The following KCNQ1 variants were observed in gnomAD, a reference collection of about 807,000 sequenced individuals.
KCNQ1 encodes potassium voltage-gated channel subfamily Q member 1.
KCNQ1 carries 49 observed loss-of-function variants against 72.4 expected under a neutral mutation model. That is an observed-to-expected ratio of 0.68 (90% CI 0.54 to 0.86). KCNQ1 has a LOEUF of 0.86. KCNQ1 is among the 40% of genes least tolerant of loss of function. The pLI, the probability that KCNQ1 is intolerant of heterozygous loss-of-function variation, is 0.00. For missense variants in KCNQ1, 790 were observed against 945.1 expected, an observed-to-expected ratio of 0.84 and a Z score of 2.15; for synonymous variants, 450 against 412.6, an observed-to-expected ratio of 1.09 and a Z score of -1.10.
At position 2,608,606 on chromosome 11, in the gene KCNQ1, T is replaced by C; in HGVS notation, c.1393+19752T>C. The C allele has an allele frequency of 2.5e-6, 1 of 398,506 alleles. No individual in the cohort carries two copies. Among genetic ancestry groups the C allele is most frequent in the Non-Finnish European group, 4.4e-6 (1 of 226,058 alleles). 24.7% of individuals were successfully genotyped at this position (398,506 alleles called of 1,614,324 possible). ...TCCTTGCCCCTTAGCCTATGACAGG[T>C]GTGCACCACAACACCAGCTGTTATT... On this transcript the variant is annotated intron_variant, in intron 10 of 15. Transcript: ENST00000155840. This position sits in a 1 kb window ranked among gnomAD's most constrained non-coding sequence, Gnocchi z 4.6.
Position 2,727,564 on chromosome 11 carries a change from A to G in KCNQ1, c.1515-41280A>G, listed in dbSNP as rs2283211. 9.0e-3 allele frequency among the ~76,000 whole-genome samples: 1,378 copies of G among 152,282 alleles called. 54 individuals are homozygous for G. In the East Asian group the frequency reaches 0.13, roughly 15 times the overall value. Reference sequence around the variant, plus strand: ...CATGAGGCTCACAACTGGCCCCAGCAGCTCCACGGCAGGGAGCAGGAGCAG... The same window carrying G: ...CATGAGGCTCACAACTGGCCCCAGCGGCTCCACGGCAGGGAGCAGGAGCAG... On this transcript the variant is annotated intron_variant, in intron 11 of 15. Coordinates refer to ENST00000155840, the MANE Select transcript of KCNQ1 (RefSeq NM_000218.3).
intron 13 of KCNQ1, among the ~76,000 whole-genome samples, chr11:2,776,353 A>C (rs998700345): frequency 2.0e-5 from 3 of 152,124 alleles, no homozygotes; most frequent in South Asian, 2.1e-4. Flanking sequence ...GTCCCTGCTC[A>C]GGTAGCAACA....
In KCNQ1 at chr11:2,592,753, T is replaced by C. The variant is rs1200985814; in HGVS notation, c.1393+3899T>C. On this transcript the variant is annotated intron_variant, in intron 10 of 15. Coordinates refer to ENST00000155840, the MANE Select transcript of KCNQ1 (RefSeq NM_000218.3). The surrounding 1 kb of genome is among the most constrained non-coding windows in gnomAD (Gnocchi z 5.2). The stretch of plus-strand genomic sequence containing the variant: ...CACTCACAGCCCGGCTGCTGCTGCC[T>C]TGGGCGTCCTGAAGATCCTCTGTAT... 2.6e-5 allele frequency among the ~76,000 whole-genome samples: 4 copies of C among 152,176 alleles called. No individual in the cohort carries two copies. Among genetic ancestry groups the C allele is most frequent in the Non-Finnish European group, 1.5e-5 (1 of 68,006 alleles).
intron 15 of KCNQ1, among the ~76,000 whole-genome samples, chr11:2,825,196 G>A (rs572982801): frequency 2.0e-5 from 3 of 152,334 alleles, no homozygotes; most frequent in Non-Finnish European, 2.9e-5. Context: ...GCTGGGGCCC[G>A]GCTTCCCCGA....
Position 2,613,706 on chromosome 11 carries a change from A to G in KCNQ1, c.1393+24852A>G, listed in dbSNP as rs1438240990. On this transcript the variant is annotated intron_variant, in intron 10 of 15. Transcript: ENST00000155840. The surrounding 1 kb of genome is among the most constrained non-coding windows in gnomAD (Gnocchi z 4.8). ...CTATCTTGTTAATTTTATTTTTTGAATACATATAACATTAACATACTTCCA... is the reference window on the plus strand; with the variant it reads ...CTATCTTGTTAATTTTATTTTTTGAGTACATATAACATTAACATACTTCCA... The G allele has an allele frequency of 4.3e-5, 17 of 398,394 alleles. No individual in the cohort carries two copies. The highest frequency in any genetic ancestry group is 3.5e-4 in the Admixed American group (8 of 22,706). 24.7% of individuals were successfully genotyped at this position (398,394 alleles called of 1,614,324 possible).
At position 2,445,405 on chromosome 11, in the gene KCNQ1, C is replaced by T; in HGVS notation, c.307C>T (p.Arg103Cys). The stretch of plus-strand genomic sequence containing the variant: ...CAGCACGCGCCGCCCGGTGTTGGCG[C>T]GCACCCACGTCCAGGGCCGCGTCTA... ...IYSTRRPVLA[R>C]THVQGRVYNF... is the part of the protein sequence containing the mutation. Residue 103 changes from arginine to cysteine, a missense_variant, in exon 1 of 16, where the codon CGC becomes TGC. Physicochemically the swap from Arg to Cys is radical, Grantham distance 180. Coordinates refer to ENST00000155840, the MANE Select transcript of KCNQ1 (RefSeq NM_000218.3). 6.3e-7 allele frequency: 1 copy of T among 1,597,956 alleles called. No homozygotes were observed. The highest frequency in any genetic ancestry group is 8.5e-7 in the Non-Finnish European group (1 of 1,179,718).
intron 11 of KCNQ1, among the ~76,000 whole-genome samples, chr11:2,702,553 G>A (rs908976880): frequency 1.3e-5 from 2 of 152,198 alleles, no homozygotes; most frequent in African/African-American, 2.4e-5. Context: ...AAAACTGTGG[G>A]TTCTAATTGT....
chr11:2,536,737 C>A lies in KCNQ1; in HGVS notation c.477+8719C>A, dbSNP rs1180003477. 6.6e-6 allele frequency among the ~76,000 whole-genome samples: 1 copy of A among 152,074 alleles called. No individual in the cohort carries two copies. The highest frequency in any genetic ancestry group is 2.4e-5 in the African/African-American group (1 of 41,380). ...GGCCTATCTCCAGCCACGTGGGTCG[C>A]GAGAGTCGACCTGGGCTGCGTGATG... On this transcript the variant is annotated intron_variant, in intron 2 of 15. Transcript: ENST00000155840. The surrounding 1 kb of genome is among the most constrained non-coding windows in gnomAD (Gnocchi z 7.4).
rs1259103678 is a variant in KCNQ1, at chr11:2,723,689, G to A, written c.1515-45155G>A. On this transcript the variant is annotated intron_variant, in intron 11 of 15. Coordinates refer to ENST00000155840, the MANE Select transcript of KCNQ1 (RefSeq NM_000218.3). The surrounding 1 kb of genome is among the most constrained non-coding windows in gnomAD (Gnocchi z 4.2). ...CAGGTGGACTGGTCCGAGCTGAGTGGTCTAGGATGGCCTTGCTCCCGGAGA... is the reference window on the plus strand; with the variant it reads ...CAGGTGGACTGGTCCGAGCTGAGTGATCTAGGATGGCCTTGCTCCCGGAGA... 1.3e-5 allele frequency among the ~76,000 whole-genome samples: 2 copies of A among 152,210 alleles called. No homozygotes were observed.
At chr11:2,733,442 C>T (rs915178020) in intron 11 of KCNQ1, among the ~76,000 whole-genome samples, 8 of 152,152 alleles carry the variant, frequency 5.3e-5, no homozygotes, top group Admixed American at 2.6e-4. Context: ...CTCCCCACGG[C>T]TTGGCTTCCC....
rs1846500969 is a variant in KCNQ1 at position 2,766,538 on chromosome 11, G to A, written c.1515-2306G>A. Among the ~76,000 whole-genome samples the A allele has an allele frequency of 6.6e-6, 1 of 152,208 alleles. No individual in the cohort carries two copies. Among genetic ancestry groups the A allele is most frequent in the African/African-American group, 2.4e-5 (1 of 41,460 alleles). ...AAGACATGATCATTTCCACCATGGT[G>A]GAGATAGACTCTAGCCTGCAATGGG... On this transcript the variant is annotated intron_variant, in intron 11 of 15. Transcript: ENST00000155840. This position sits in a 1 kb window ranked among gnomAD's most constrained non-coding sequence, Gnocchi z 4.4.
At chr11:2,532,402 C>T (rs1847655203) in intron 2 of KCNQ1, among the ~76,000 whole-genome samples, 1 of 152,220 alleles carries the variant, frequency 6.6e-6, no homozygotes. Context: ...CTCGCCTTGC[C>T]ACACTTCCCA....
chr11:2,700,758 G>T (rs556830280), intron 11 of KCNQ1, among the ~76,000 whole-genome samples: 1 of 152,074 alleles, frequency 6.6e-6, no homozygotes, highest in Admixed American at 6.5e-5. Context: ...CGCCCGGCCG[G>T]GCCCGCCCTG....
At chr11:2,738,726 C>G (rs1845999064) in intron 11 of KCNQ1, among the ~76,000 whole-genome samples, 1 of 152,216 alleles carries the variant, frequency 6.6e-6, no homozygotes, top group Non-Finnish European at 1.5e-5. Flanking sequence ...CTGGGCCAGG[C>G]TGTCCTCCCA....
chr11:2,522,098 G>T (rs1054500049), intron 1 of KCNQ1, among the ~76,000 whole-genome samples: 11 of 152,228 alleles, frequency 7.2e-5, no homozygotes, highest in African/African-American at 2.4e-4. Flanking sequence ...GGTGCCTTCG[G>T]GGCTGGTACT....
chr11:2,596,237 C>T (rs1848731674), intron 10 of KCNQ1, among the ~76,000 whole-genome samples: 1 of 152,158 alleles, frequency 6.6e-6, no homozygotes, highest in South Asian at 2.1e-4. Context: ...GGTGAGAATG[C>T]AAAGTCCAAA....
rs377226068 is a variant in KCNQ1 at position 2,753,789 on chromosome 11, G to A, written c.1515-15055G>A. 1.2e-4 allele frequency among the ~76,000 whole-genome samples: 18 copies of A among 152,150 alleles called. No individual in the cohort carries two copies. In the East Asian group the frequency reaches 1.9e-3, roughly 16 times the overall value. On this transcript the variant is annotated intron_variant, in intron 11 of 15. Coordinates refer to ENST00000155840, the MANE Select transcript of KCNQ1 (RefSeq NM_000218.3). ...CTTTCATCCACTGGTGTATTCCTTT[G>A]GCCGGGGACACACACATTTGAGAAA...
In KCNQ1 at chr11:2,608,703, A is replaced by G. The variant is rs560903478; in HGVS notation, c.1393+19849A>G. On this transcript the variant is annotated intron_variant, in intron 10 of 15. Coordinates refer to ENST00000155840, the MANE Select transcript of KCNQ1 (RefSeq NM_000218.3). The surrounding 1 kb of genome is among the most constrained non-coding windows in gnomAD (Gnocchi z 4.6). ...ATTCTTGAACTCCTGGCCACAAGCA[A>G]TTCTCGAACTCCTGGCCACAAGCAA... 1.2e-4 allele frequency: 44 copies of G among 381,194 alleles called. 1 individual carries two copies. In the East Asian group the frequency reaches 1.3e-3, roughly 11 times the overall value. 23.6% of individuals were successfully genotyped at this position (381,194 alleles called of 1,614,324 possible).
In KCNQ1 at chr11:2,471,242, C is replaced by T. The variant is rs537489068; in HGVS notation, c.386+25758C>T. On this transcript the variant is annotated intron_variant, in intron 1 of 15. Transcript: ENST00000155840. This position sits in a 1 kb window ranked among gnomAD's most constrained non-coding sequence, Gnocchi z 4.8. ...CCTCCAACTGGTGTGGCTTCAGGGTCCCCAACTTTTCAGACCCCACCTCTG... is the reference window on the plus strand; with the variant it reads ...CCTCCAACTGGTGTGGCTTCAGGGTTCCCAACTTTTCAGACCCCACCTCTG... Among the ~76,000 whole-genome samples the T allele has an allele frequency of 9.2e-5, 14 of 152,212 alleles. No individual in the cohort carries two copies. The South Asian group carries it at 1.0e-3, about 11-fold the overall frequency.
Sources: allele counts gnomAD v4.1 joint callset (sites outside exome capture counted in the v4.1 genomes callset), GRCh38; gene constraint gnomAD v4.1.1; non-coding constraint Gnocchi (gnomAD v3.1); transcripts MANE v1.5; gene names NCBI Gene and HGNC (gene_info 2026-07-23, HGNC 2026-07-21).